Variants in SBF2 observed in about 807,000 individuals in gnomAD.
SBF2 encodes SET binding factor 2.
Under a neutral mutation model 225.2 loss-of-function variants are expected in SBF2, and 112 were observed. That is an observed-to-expected ratio of 0.50 (90% CI 0.43 to 0.58). The LOEUF is 0.58. Among genes scored for constraint, SBF2 ranks in the 20% least tolerant of loss-of-function variants. The pLI is 0.00. For synonymous variants in SBF2, 763 were observed against 773.3 expected, an observed-to-expected ratio of 0.99 and a Z score of 0.22; for missense variants, 1,996 against 2,206.2, an observed-to-expected ratio of 0.90 and a Z score of 1.91.
chr11:10,286,112 G>GCT (rs1963754301), intron 1 of SBF2, among the ~76,000 whole-genome samples: 5 of 151,960 alleles, frequency 3.3e-5, no homozygotes, highest in Non-Finnish European at 5.9e-5. Flanking sequence ...ACAGGCGTGA[G>GCT]CTACCACGCC....
In SBF2 at chr11:10,281,008, T is replaced by C. The variant is rs537472456; in HGVS notation, c.55+13007A>G. Among the ~76,000 whole-genome samples, 580 of 152,322 alleles carry C rather than the reference T, an allele frequency of 3.8e-3. 4 individuals are homozygous for C. The highest frequency in any genetic ancestry group is 5.4e-3 in the South Asian group (26 of 4,828). ...CTGCCACACCTGACACTAAGAAATA[T>C]TCCTTCACTTTCTATGACTTTTCTG... On this transcript the variant is annotated intron_variant, in intron 1 of 39. Transcript: ENST00000256190.
At chr11:10,294,258 C>T (rs181524775), upstream of SBF2, 298 of 407,394 alleles carry the variant, frequency 7.3e-4, 1 homozygote, top group East Asian at 0.011. Context: ...CTCCCCCGCC[C>T]CCACCCGCGC....
chr11:9,831,362 T>C (rs1014612539), intron 27 of SBF2, among the ~76,000 whole-genome samples: 1 of 152,170 alleles, frequency 6.6e-6, no homozygotes, highest in Non-Finnish European at 1.5e-5. Context: ...AGAGGAGAAA[T>C]AGTAAACAGC....
intron 2 of SBF2, among the ~76,000 whole-genome samples, chr11:10,071,054 T>A (rs1950846609): frequency 6.6e-6 from 1 of 152,010 alleles, no homozygotes; most frequent in Admixed American, 6.6e-5. Flanking sequence ...CTTAAGGAGG[T>A]TTTGGGCTGA....
intron 2 of SBF2, among the ~76,000 whole-genome samples, chr11:10,185,146 C>T (rs1286349580): frequency 6.6e-6 from 1 of 151,776 alleles, no homozygotes; most frequent in Non-Finnish European, 1.5e-5. Flanking sequence ...ACGTGTATCA[C>T]ATCTCACTTG....
intron 1 of SBF2, among the ~76,000 whole-genome samples, chr11:10,220,632 C>G (rs1958306932): frequency 6.6e-6 from 1 of 152,158 alleles, no homozygotes; most frequent in Non-Finnish European, 1.5e-5. Context: ...AATTTGAAAT[C>G]ATACTCACAT....
At chr11:9,827,532 TAAAAAA>T (rs36082411) in intron 28 of SBF2, among the ~76,000 whole-genome samples, 3 of 145,950 alleles carry the variant, frequency 2.1e-5, no homozygotes, top group African/African-American at 7.6e-5. Context: ...GACTCTGTCT[TAAAAAA>T]AAAAAAAAAA....
At chr11:10,223,275 T>C (rs931693504) in intron 1 of SBF2, among the ~76,000 whole-genome samples, 1 of 150,874 alleles carries the variant, frequency 6.6e-6, no homozygotes, top group African/African-American at 2.4e-5. Context: ...ACTTGGGAGT[T>C]AGGAACCCCA....
chr11:10,002,246 A>G (rs1448595706), intron 7 of SBF2, among the ~76,000 whole-genome samples: 1 of 152,180 alleles, frequency 6.6e-6, no homozygotes, highest in Non-Finnish European at 1.5e-5. Flanking sequence ...CTCTATCATT[A>G]TAACTTCTAA....
chr11:9,903,316 C>T (rs982272808), intron 16 of SBF2, among the ~76,000 whole-genome samples: 7 of 149,928 alleles, frequency 4.7e-5, no homozygotes, highest in East Asian at 2.0e-4. Flanking sequence ...AGCAAGATTC[C>T]GTCTCAAAAA....
intron 1 of SBF2, 59 bp downstream of exon 1, chr11:10,293,956 C>T: frequency 3.5e-6 from 4 of 1,139,804 alleles, no homozygotes; most frequent in African/African-American, 1.7e-5. Context: ...CCGCGGAGCC[C>T]ACTGGACAGC....
chr11:10,123,306 T>TA (rs1953568516), intron 2 of SBF2, among the ~76,000 whole-genome samples: 2 of 151,984 alleles, frequency 1.3e-5, no homozygotes, highest in Admixed American at 1.3e-4. Flanking sequence ...TTTATTTGAG[T>TA]ACAAAATATT....
At chr11:10,061,923 T>G (rs1950460105) in intron 2 of SBF2, among the ~76,000 whole-genome samples, 1 of 152,168 alleles carries the variant, frequency 6.6e-6, no homozygotes, top group Admixed American at 6.5e-5. Context: ...GGAGGAATCA[T>G]GTTACCTGAC....
upstream of SBF2, among the ~76,000 whole-genome samples, chr11:10,296,759 T>C (rs1022557369): frequency 3.9e-5 from 6 of 152,226 alleles, no homozygotes; most frequent in African/African-American, 1.4e-4. Flanking sequence ...TTGGAATTAC[T>C]GGATTAAGTA....
chr11:10,270,978 G>A (rs1267602522), intron 1 of SBF2, among the ~76,000 whole-genome samples: 4 of 101,402 alleles, frequency 3.9e-5, no homozygotes, highest in Non-Finnish European at 5.3e-5. Flanking sequence ...CTGGGCGACA[G>A]AGCAAGACTC....
At chr11:10,223,736 A>T (rs903485555) in intron 1 of SBF2, among the ~76,000 whole-genome samples, 5 of 151,974 alleles carry the variant, frequency 3.3e-5, no homozygotes, top group African/African-American at 1.2e-4. Context: ...TTATTCAACT[A>T]AACATGATGA....
chr11:10,285,364 A>G (rs1345505716), intron 1 of SBF2, among the ~76,000 whole-genome samples: 4 of 151,850 alleles, frequency 2.6e-5, no homozygotes, highest in African/African-American at 4.8e-5. Context: ...GGGAGGAAAA[A>G]GGGAGGGAGG....
At chr11:10,178,824 C>G (rs1956593665) in intron 2 of SBF2, among the ~76,000 whole-genome samples, 1 of 149,442 alleles carries the variant, frequency 6.7e-6, no homozygotes, top group Admixed American at 6.7e-5. Flanking sequence ...TACCATTTGA[C>G]TCAGCCATCC....
Position 9,780,482 on chromosome 11 carries a change from G to A in SBF2, c.5486C>T (p.Ala1829Val), listed in dbSNP as rs1851933227. The change falls in exon 40 of 40, where the codon GCC becomes GTC. Residue 1829 changes from alanine (A) to valine (V), a missense_variant. Coordinates refer to ENST00000256190, the MANE Select transcript of SBF2 (RefSeq NM_030962.4). ...KTSKRVYNFC[A>V]QDGQSAQQWM... ...TTGCTGGGCACTCTGTCCATCCTGGGCGCAGAAGTTATACACACGTTTGCT... is the reference window on the plus strand; with the variant it reads ...TTGCTGGGCACTCTGTCCATCCTGGACGCAGAAGTTATACACACGTTTGCT... 6.2e-7 allele frequency: 1 copy of A among 1,614,058 alleles called. No homozygotes were observed. The highest frequency in any genetic ancestry group is 1.1e-5 in the South Asian group (1 of 91,080).
Sources: gnomAD v4.1 joint callset for allele counts (sites outside exome capture counted in the v4.1 genomes callset) on GRCh38, gnomAD v4.1.1 for gene constraint, MANE v1.5 for transcripts, NCBI Gene and HGNC (gene_info 2026-07-23, HGNC 2026-07-21) for gene names.